The following SMYD3 variants were observed in gnomAD, a reference collection of about 807,000 sequenced individuals.
The protein encoded by SMYD3 is SET and MYND domain containing 3.
In SMYD3, 36 loss-of-function variants were observed where a neutral mutation model predicts 57.7. The observed-to-expected ratio is 0.62, with a 90% confidence interval of 0.48 to 0.82. SMYD3 has a LOEUF of 0.82. SMYD3 is among the 40% of genes least tolerant of loss of function. The probability of loss-of-function intolerance (pLI) is 0.00; values close to 1 mark genes in which losing one functional copy is unlikely to be tolerated. For missense variants in SMYD3, 515 were observed against 538.8 expected, an observed-to-expected ratio of 0.96 and a Z score of 0.44; for synonymous variants, 211 against 195.0, an observed-to-expected ratio of 1.08 and a Z score of -0.68.
At chr1:246,365,220 A>C (rs1022565522) in intron 1 of SMYD3, among the ~76,000 whole-genome samples, 4 of 152,146 alleles carry the variant, frequency 2.6e-5, no homozygotes, top group African/African-American at 9.7e-5. Context: ...TAGACATTAT[A>C]AATTCTCTTT....
chr1:246,410,114 A>C (rs1209569351), intron 1 of SMYD3, among the ~76,000 whole-genome samples: 2 of 152,212 alleles, frequency 1.3e-5, no homozygotes, highest in Non-Finnish European at 2.9e-5. Flanking sequence ...TGTCATCTGC[A>C]AACAGGGACA....
At chr1:246,491,122 G>A (rs183160666) in intron 1 of SMYD3, among the ~76,000 whole-genome samples, 12 of 152,354 alleles carry the variant, frequency 7.9e-5, no homozygotes, top group Admixed American at 7.2e-4. Flanking sequence ...CAAAGTGAGA[G>A]TAAGTATGAC....
intron 1 of SMYD3, among the ~76,000 whole-genome samples, chr1:246,464,002 T>C (rs1273133365): frequency 6.6e-6 from 1 of 152,148 alleles, no homozygotes; most frequent in Non-Finnish European, 1.5e-5. Flanking sequence ...ATCTACACTT[T>C]AGATGCCAGG....
chr1:246,423,765 G>A lies in SMYD3; in HGVS notation c.165-68671C>T, dbSNP rs535595392. Among the ~76,000 whole-genome samples, 5 of 152,284 alleles carry A rather than the reference G, an allele frequency of 3.3e-5. No individual in the cohort carries two copies. The South Asian group carries it at 1.0e-3, about 32-fold the overall frequency. On this transcript the variant is annotated intron_variant, in intron 1 of 11. Transcript: ENST00000490107. The stretch of plus-strand genomic sequence containing the variant: ...TGAGAAAATAGGGAGCAGGTAAGCA[G>A]CCTGTTTAAAAGAGGGAGGGAGAAG...
At chr1:246,309,612 A>G (rs2065041434) in intron 5 of SMYD3, among the ~76,000 whole-genome samples, 1 of 152,226 alleles carries the variant, frequency 6.6e-6, no homozygotes, top group Non-Finnish European at 1.5e-5. Flanking sequence ...ACATTCAGAA[A>G]AAAGCAAGCT....
At chr1:245,982,519 T>C (rs2058619266) in intron 5 of SMYD3, among the ~76,000 whole-genome samples, 1 of 152,234 alleles carries the variant, frequency 6.6e-6, no homozygotes, top group Non-Finnish European at 1.5e-5. Context: ...GTTGATCTAA[T>C]ATAATAGTAA....
intron 5 of SMYD3, among the ~76,000 whole-genome samples, chr1:246,013,106 TAGG>T (rs2059314406): frequency 6.6e-6 from 1 of 152,200 alleles, no homozygotes; most frequent in African/African-American, 2.4e-5. Flanking sequence ...GAGCTTTAAA[TAGG>T]AGAAAAGTGC....
intron 10 of SMYD3, among the ~76,000 whole-genome samples, chr1:245,792,316 T>C (rs2047311691): frequency 6.6e-6 from 1 of 152,228 alleles, no homozygotes; most frequent in Admixed American, 6.5e-5. Flanking sequence ...ATATAATAAT[T>C]GGCCTAAGCC....
At position 245,915,634 on chromosome 1, in the gene SMYD3, T is replaced by C. The variant is rs143716511; in HGVS notation, c.709A>G (p.Ile237Val). The change falls in exon 8 of 12, where the codon ATC becomes GTC. Residue 237 changes from isoleucine (I) to valine (V), a missense_variant. Transcript: ENST00000490107. ...GTCATCAGCATATCCAGGTAGCAGA[T>C]GGTGAGCTGTGCAGGCCAGAGAGAG... ...RDIEVGEELT[I>V]CYLDMLMTSE... 2.7e-5 allele frequency: 44 copies of C among 1,611,888 alleles called. No individual in the cohort carries two copies. The highest frequency in any genetic ancestry group is 6.7e-5 in the African/African-American group (5 of 74,884).
In SMYD3 at chr1:245,990,371, G is replaced by A. The variant is rs2058790723; in HGVS notation, c.532-60434C>T. On this transcript the variant is annotated intron_variant, in intron 5 of 11. Coordinates refer to ENST00000490107, the MANE Select transcript of SMYD3 (RefSeq NM_001167740.2). The stretch of plus-strand genomic sequence containing the variant: ...CCCAAAGTGCTGGGATTATAGGCAT[G>A]AGCCACCATGCCTGGCCAGCTTTTT... Among the ~76,000 whole-genome samples the A allele has an allele frequency of 2.6e-5, 4 of 152,320 alleles. No homozygotes were observed. In the South Asian group the frequency reaches 8.3e-4, roughly 32 times the overall value.
intron 10 of SMYD3, among the ~76,000 whole-genome samples, chr1:245,786,213 C>CCGGG (rs2047035540): frequency 9.6e-6 from 1 of 104,040 alleles, no homozygotes; most frequent in Non-Finnish European, 1.9e-5. Flanking sequence ...GGGGTGTGGA[C>CCGGG]GGGGGGGGGA....
intron 1 of SMYD3, among the ~76,000 whole-genome samples, chr1:246,407,051 G>GC (rs1041338281): frequency 6.6e-6 from 1 of 152,206 alleles, no homozygotes; most frequent in Non-Finnish European, 1.5e-5. Context: ...GGTTGGCATT[G>GC]CCCCCTGGGA....
In SMYD3 at chr1:246,165,565, A is replaced by G. The variant is rs182482598; in HGVS notation, c.531+161636T>C. Among the ~76,000 whole-genome samples, 350 of 152,248 alleles carry G rather than the reference A, an allele frequency of 2.3e-3. 1 individual carries two copies. Among genetic ancestry groups the G allele is most frequent in the Non-Finnish European group, 4.5e-3 (303 of 68,008 alleles). On this transcript the variant is annotated intron_variant, in intron 5 of 11. Transcript: ENST00000490107. ...TGCTTTCAGGGGTGAGGAGAGGTGA[A>G]GGGTTAAAAGTCGTCGAAACAATCT...
rs971442394 is a variant in SMYD3 at position 246,326,553 on chromosome 1, C to T, written c.531+648G>A. On this transcript the variant is annotated intron_variant, in intron 5 of 11. Coordinates refer to ENST00000490107, the MANE Select transcript of SMYD3 (RefSeq NM_001167740.2). ...CTTTGGGAGGCCGAGGCGGGTGGAT[C>T]ACCTGAGGTCAGGAGTTCAAGACCA... 1.1e-4 allele frequency among the ~76,000 whole-genome samples: 17 copies of T among 150,668 alleles called. 1 individual carries two copies. Among genetic ancestry groups the T allele is most frequent in the African/African-American group, 4.1e-4 (17 of 41,110 alleles).
intron 1 of SMYD3, 75 bp downstream of exon 1, chr1:246,506,979 G>C (rs6671418): frequency 1 from 742,480 of 743,662 alleles, 370,651 homozygotes; most frequent in South Asian, 1. Context: ...GCGGCTGCCG[G>C]CCGCCCGACG....
At chr1:245,897,088 G>A (rs1415046264) in intron 8 of SMYD3, among the ~76,000 whole-genome samples, 1 of 152,222 alleles carries the variant, frequency 6.6e-6, no homozygotes, top group African/African-American at 2.4e-5. Context: ...GATGAATAAT[G>A]TAGTAGCATG....
chr1:245,867,337 C>A (rs1369227266), intron 8 of SMYD3, among the ~76,000 whole-genome samples: 1 of 152,178 alleles, frequency 6.6e-6, no homozygotes, highest in Non-Finnish European at 1.5e-5. Flanking sequence ...TTCTGGCCTA[C>A]AGAACTCTAA....
chr1:246,282,412 T>A (rs2064472132), intron 5 of SMYD3, among the ~76,000 whole-genome samples: 1 of 147,444 alleles, frequency 6.8e-6, no homozygotes, highest in Non-Finnish European at 1.5e-5. Context: ...GATGGAAGGA[T>A]CGCTTGATCC....
At chr1:245,774,661 C>T (rs925623542) in intron 10 of SMYD3, among the ~76,000 whole-genome samples, 1 of 126,528 alleles carries the variant, frequency 7.9e-6, no homozygotes, top group African/African-American at 2.8e-5. Context: ...CCTCTCTTTC[C>T]ACCGTCTCCC....
Sources: gnomAD v4.1 joint callset for allele counts (sites outside exome capture counted in the v4.1 genomes callset) on GRCh38, gnomAD v4.1.1 for gene constraint, MANE v1.5 for transcripts, NCBI Gene and HGNC (gene_info 2026-07-23, HGNC 2026-07-21) for gene names.